Variants in COMT observed in about 807,000 individuals in gnomAD.
The protein encoded by COMT is catechol O-methyltransferase.
Under a neutral mutation model 18.9 loss-of-function variants are expected in COMT, and 13 were observed. The ratio of observed to expected loss-of-function variants is 0.69; its 90% CI spans 0.45 to 1.09. The LOEUF is 1.09. Ranked by LOEUF, COMT falls within the 50% of genes least tolerant of loss-of-function variation. COMT has a pLI of 0.00. For missense variants in COMT, 329 were observed against 361.8 expected (o/e 0.91, Z 0.73); for synonymous variants, 150 against 160.9 (o/e 0.93, Z 0.51).
At chr22:19,957,742 G>A (rs577321209) in intron 1 of COMT, among the ~76,000 whole-genome samples, 4 of 152,358 alleles carry the variant, frequency 2.6e-5, no homozygotes, top group African/African-American at 7.2e-5. Flanking sequence ...TGCTGGAGAG[G>A]TAAGACCATC....
At chr22:19,962,075 T>C (rs917181317) in intron 2 of COMT, among the ~76,000 whole-genome samples, 4 of 152,130 alleles carry the variant, frequency 2.6e-5, no homozygotes, top group Admixed American at 1.3e-4. Context: ...GCTCACCACA[T>C]GAGGCCAAGG....
chr22:19,962,517 C>CCCCCCCCCCAA lies in COMT; in HGVS notation c.1-10_1-9insCCCCCCCCCAA. On this transcript the variant is annotated splice_polypyrimidine_tract_variant and intron_variant, in intron 2 of 5. Transcript: ENST00000361682. Reference sequence around the variant, plus strand: ...CAGAGCACTGGCGCCCCTCCCCTCCCGCCCTGCAGATGCCGGAGGCCCCGC... The same window carrying CCCCCCCCCCAA: ...CAGAGCACTGGCGCCCCTCCCCTCCCCCCCCCCCCAAGCCCTGCAGATGCCGGAGGCCCCGC... 1 of 1,542,976 alleles carries CCCCCCCCCCAA rather than the reference C, an allele frequency of 6.5e-7. No individual in the cohort carries two copies. The highest frequency in any genetic ancestry group is 8.7e-7 in the Non-Finnish European group (1 of 1,147,434).
intron 4 of COMT, 31 bp downstream of exon 4, chr22:19,963,790 G>GA: frequency 6.2e-7 from 1 of 1,600,856 alleles, no homozygotes; most frequent in Non-Finnish European, 8.5e-7. Flanking sequence ...GTCAGACCTG[G>GA]AAAAAGGGCC....
chr22:19,950,097 G>A (rs557956002), intron 1 of COMT, among the ~76,000 whole-genome samples: 2 of 151,890 alleles, frequency 1.3e-5, no homozygotes, highest in Non-Finnish European at 2.9e-5. Flanking sequence ...GAGGTTGAAA[G>A]TTACTGAAAA....
At chr22:19,954,993 C>G (rs1248820772) in intron 1 of COMT, among the ~76,000 whole-genome samples, 1 of 152,162 alleles carries the variant, frequency 6.6e-6, no homozygotes, top group African/African-American at 2.4e-5. Flanking sequence ...GAGGCCCCAT[C>G]TGGATTTGAT....
intron 1 of COMT, 113 bp downstream of exon 1, chr22:19,942,010 G>T: frequency 6.9e-6 from 3 of 434,532 alleles, no homozygotes; most frequent in Non-Finnish European, 1.2e-5. Flanking sequence ...GCTGTGAAGT[G>T]ATCTGACGTT....
At chr22:19,955,805 T>C (rs1942044446) in intron 1 of COMT, among the ~76,000 whole-genome samples, 1 of 152,238 alleles carries the variant, frequency 6.6e-6, no homozygotes, top group Non-Finnish European at 1.5e-5. Flanking sequence ...GTGCCCCAAA[T>C]GGCCAGTGGC....
At chr22:19,964,003 C>T in intron 4 of COMT, 165 bp from the exon 5 acceptor site, 1 of 1,392,082 alleles carries the variant, frequency 7.2e-7, no homozygotes, top group Admixed American at 1.9e-5. Context: ...CAGAGTGGGG[C>T]CTTGTCATCC....
At chr22:19,966,280 C>CA (rs1942383450) in intron 5 of COMT, among the ~76,000 whole-genome samples, 1 of 152,060 alleles carries the variant, frequency 6.6e-6, no homozygotes, top group South Asian at 2.1e-4. Context: ...GCCATCCCCT[C>CA]AGTGGGTTCT....
intron 1 of COMT, among the ~76,000 whole-genome samples, chr22:19,960,226 T>G (rs1434117343): frequency 6.6e-6 from 1 of 152,258 alleles, no homozygotes; most frequent in Non-Finnish European, 1.5e-5. Context: ...AATAGCCCTT[T>G]TAATTTGGGG....
intron 1 of COMT, among the ~76,000 whole-genome samples, chr22:19,958,814 C>G (rs1942124161): frequency 1.3e-5 from 2 of 151,710 alleles, no homozygotes; most frequent in South Asian, 4.2e-4. Context: ...ATCCCTTGAG[C>G]CCAGGAGGTC....
chr22:19,954,114 G>C (rs1942007991), intron 1 of COMT, among the ~76,000 whole-genome samples: 1 of 152,012 alleles, frequency 6.6e-6, no homozygotes, highest in Non-Finnish European at 1.5e-5. Context: ...TCTGCCTCTT[G>C]GTGTGTCTGT....
rs1352995036 is a variant in COMT at position 19,967,530 on chromosome 22, T to A, written c.616-1006T>A. The stretch of plus-strand genomic sequence containing the variant: ...TCCATACTGTCACATGAAAGCCCCC[T>A]GCTTTCTCTGCAGCATACAGGCTGG... On this transcript the variant is annotated intron_variant, in intron 5 of 5. Coordinates refer to ENST00000361682, the MANE Select transcript of COMT (RefSeq NM_000754.4). 10 of 385,842 alleles carry A rather than the reference T, an allele frequency of 2.6e-5. No individual in the cohort carries two copies. In the East Asian group the frequency reaches 7.1e-4, roughly 28 times the overall value. The allele number at this position is 385,842 out of a possible 1,614,324, so 23.9% of individuals were successfully genotyped here.
chr22:19,963,620 TG>T lies in COMT; in HGVS notation c.349del (p.Ala117ProfsTer42). 1.9e-6 allele frequency: 3 copies of T among 1,613,018 alleles called. No individual in the cohort carries two copies. The highest frequency in any genetic ancestry group is 3.3e-4 in the Middle Eastern group (2 of 6,060). On this transcript the variant is annotated frameshift_variant, in exon 4 of 6. Transcript: ENST00000361682. LOFTEE classifies it high-confidence loss of function. ...CACCAGCCCTCCGTGCTGCTGGAGCTGGGGGCCTACTGTGGCTACTCAGCTG... is the reference window on the plus strand; with the variant it reads ...CACCAGCCCTCCGTGCTGCTGGAGCTGGGGCCTACTGTGGCTACTCAGCTG... ...QEHQPSVLLELGAYCGYSAVR... is the reference protein window; with the variant it reads ...QEHQPSVLLEXGAYCGYSAVR...
At chr22:19,955,080 C>T (rs961774769) in intron 1 of COMT, among the ~76,000 whole-genome samples, 1 of 152,206 alleles carries the variant, frequency 6.6e-6, no homozygotes, top group Non-Finnish European at 1.5e-5. Flanking sequence ...TCATGGCTCA[C>T]TCCAGCCTCC....
intron 1 of COMT, among the ~76,000 whole-genome samples, chr22:19,959,441 C>T (rs1267380795): frequency 6.6e-6 from 1 of 152,244 alleles, no homozygotes; most frequent in East Asian, 1.9e-4. Flanking sequence ...TGGATGTGGT[C>T]CCGCGTCCCT....
Position 19,941,912 on chromosome 22 carries a change from TAG to T in COMT, c.-92+17_-92+18del, listed in dbSNP as rs1941737886. 8.3e-7 allele frequency: 1 copy of T among 1,201,434 alleles called. No individual in the cohort carries two copies. Among genetic ancestry groups the T allele is most frequent in the South Asian group, 2.0e-5 (1 of 50,852 alleles). 74.4% of individuals were successfully genotyped at this position (1,201,434 alleles called of 1,614,324 possible). A position where few individuals can be genotyped will look rare whatever the true frequency, so the allele number is the denominator to read the frequency against. On this transcript the variant is annotated intron_variant, in intron 1 of 5. Coordinates refer to ENST00000361682, the MANE Select transcript of COMT (RefSeq NM_000754.4). ...TCGCGGGAGAGGTGAGAGCGCTGGC[TAG>T]ACCGGGGCCGAATGCGGCCGGATTC... is the stretch of plus-strand genomic sequence containing the variant.
intron 1 of COMT, among the ~76,000 whole-genome samples, chr22:19,953,224 C>G (rs1340160671): frequency 2.0e-5 from 3 of 152,150 alleles, no homozygotes; most frequent in Non-Finnish European, 4.4e-5. Flanking sequence ...TCAGATTCCA[C>G]TCACATCCAG....
At chr22:19,946,910 G>GT (rs35689277) in intron 1 of COMT, among the ~76,000 whole-genome samples, 3,189 of 116,924 alleles carry the variant, frequency 0.027, 54 homozygotes, top group South Asian at 0.063. Flanking sequence ...TTTTTTTTTA[G>GT]TTTTTTTTTT....
Sources: allele counts gnomAD v4.1 joint callset (sites outside exome capture counted in the v4.1 genomes callset), GRCh38; gene constraint gnomAD v4.1.1; transcripts MANE v1.5; gene names NCBI Gene and HGNC (gene_info 2026-07-23, HGNC 2026-07-21).